CRYM: variants seen among roughly 807,000 people sequenced by gnomAD.
The protein encoded by CRYM is ketimine reductase mu-crystallin.
CRYM carries 18 observed loss-of-function variants against 32.9 expected under a neutral mutation model. The ratio of observed to expected loss-of-function variants is 0.55; its 90% CI spans 0.38 to 0.81. CRYM has a LOEUF of 0.81. Ranked by LOEUF, CRYM falls within the 30% of genes least tolerant of loss-of-function variation. CRYM has a pLI of 0.00. For missense variants in CRYM, 337 were observed against 393.5 expected, an observed-to-expected ratio of 0.86 and a Z score of 1.21; for synonymous variants, 153 against 152.4, an observed-to-expected ratio of 1.00 and a Z score of -0.03.
intron 5 of CRYM, among the ~76,000 whole-genome samples, chr16:21,265,534 A>G (rs1250855520): frequency 6.6e-6 from 1 of 151,988 alleles, no homozygotes; most frequent in Non-Finnish European, 1.5e-5. Flanking sequence ...TAGTTCCTCT[A>G]TGTGTTTGTT....
chr16:21,274,308 G>A lies in CRYM; in HGVS notation c.387+1224C>T, dbSNP rs144654902. 3.0e-4 allele frequency among the ~76,000 whole-genome samples: 46 copies of A among 152,250 alleles called. No homozygotes were observed. The East Asian group carries it at 6.6e-3, about 22-fold the overall frequency. ...TTCCCTCTGCCTGGAGTGCCCCTCC[G>A]TGTTTTTGCATGGTTCGCTAACTCA... On this transcript the variant is annotated intron_variant, in intron 3 of 7. Coordinates refer to ENST00000572914, the MANE Select transcript of CRYM (RefSeq NM_001376256.1).
At chr16:21,274,904 C>T (rs2152862963) in intron 3 of CRYM, among the ~76,000 whole-genome samples, 1 of 152,300 alleles carries the variant, frequency 6.6e-6, no homozygotes, top group East Asian at 1.9e-4. Flanking sequence ...CTGTACCCAG[C>T]CTGTGTTTTC....
chr16:21,293,028 A>AAGATAGATAGAT (rs3029354), intron 1 of CRYM, among the ~76,000 whole-genome samples: 10,522 of 150,410 alleles, frequency 0.07, 561 homozygotes, highest in East Asian at 0.22. Context: ...AAGTAGATAG[A>AAGATAGATAGAT]AGATAGATAG....
intron 1 of CRYM, among the ~76,000 whole-genome samples, chr16:21,302,021 AC>A (rs1376369677): frequency 6.6e-6 from 1 of 152,232 alleles, no homozygotes; most frequent in African/African-American, 2.4e-5. Context: ...CGACCCCCAA[AC>A]AAAACTCACG....
At chr16:21,280,991 G>C (rs545051892), upstream of CRYM, among the ~76,000 whole-genome samples, 3 of 151,986 alleles carry the variant, frequency 2.0e-5, no homozygotes, top group South Asian at 6.2e-4. Flanking sequence ...TGTAATCCCA[G>C]CTACTCAGGA....
In CRYM at chr16:21,269,898, G is replaced by A. The variant is rs1487719726; in HGVS notation, c.388-7C>T. ...TGCTGGGAGGTTTCAGAAACTATAT[G>A]AGAGAAATGAAGTGGCAAAGGTCAA... is the stretch of plus-strand genomic sequence containing the variant. On this transcript the variant is annotated splice_region_variant and splice_polypyrimidine_tract_variant and intron_variant, in intron 3 of 7. Transcript: ENST00000572914. 5 of 1,605,214 alleles carry A rather than the reference G, an allele frequency of 3.1e-6. No individual in the cohort carries two copies. Among genetic ancestry groups the A allele is most frequent in the Non-Finnish European group, 4.3e-6 (5 of 1,172,426 alleles).
intron 5 of CRYM, among the ~76,000 whole-genome samples, chr16:21,265,452 T>A (rs1400693971): frequency 6.6e-6 from 1 of 152,184 alleles, no homozygotes; most frequent in African/African-American, 2.4e-5. Context: ...TGCTTCTACC[T>A]TCCACCTCCA....
chr16:21,277,958 A>C lies in CRYM; in HGVS notation c.170+124T>G. 8.7e-7 allele frequency: 1 copy of C among 1,145,536 alleles called. No homozygotes were observed. The highest frequency in any genetic ancestry group is 1.5e-5 in the South Asian group (1 of 65,072). 71.0% of individuals were successfully genotyped at this position (1,145,536 alleles called of 1,614,324 possible). A position where few individuals can be genotyped will look rare whatever the true frequency, so the allele number is the denominator to read the frequency against. ...AGCACACCGGGTAGCGCCTATTAAA[A>C]GTGGCAGCTGTTAGCAACGGTTAGG... On this transcript the variant is annotated intron_variant, in intron 1 of 7. Coordinates refer to ENST00000572914, the MANE Select transcript of CRYM (RefSeq NM_001376256.1). This position sits in a 1 kb window ranked among gnomAD's most constrained non-coding sequence, Gnocchi z 4.2.
At chr16:21,262,276 C>T in intron 5 of CRYM, 118 bp from the exon 6 acceptor site, 1 of 1,237,626 alleles carries the variant, frequency 8.1e-7, no homozygotes, top group Non-Finnish European at 1.2e-6. Flanking sequence ...TTCAAAATAC[C>T]CCCTCATTCC....
intron 3 of CRYM, among the ~76,000 whole-genome samples, chr16:21,275,142 A>G (rs760358153): frequency 6.6e-6 from 1 of 152,242 alleles, no homozygotes; most frequent in Non-Finnish European, 1.5e-5. Context: ...AATGTGGTAC[A>G]GGGACAAGAA....
At chr16:21,260,866 T>C (rs1270287094) in intron 7 of CRYM, among the ~76,000 whole-genome samples, 1 of 152,244 alleles carries the variant, frequency 6.6e-6, no homozygotes, top group Non-Finnish European at 1.5e-5. Flanking sequence ...GGTTCCTGTC[T>C]TTTAACATCT....
chr16:21,278,323 G>A (rs1314660924), upstream of CRYM: 17 of 1,522,900 alleles, frequency 1.1e-5, no homozygotes, highest in East Asian at 2.2e-4. Context: ...CCCTTTATGA[G>A]CGCGCCCGCT....
At chr16:21,288,149 T>C (rs1376592764) in intron 1 of CRYM, among the ~76,000 whole-genome samples, 2 of 152,360 alleles carry the variant, frequency 1.3e-5, no homozygotes, top group East Asian at 3.9e-4. Flanking sequence ...AATAGGACAA[T>C]TGGTTGTTTA....
At chr16:21,291,698 T>C (rs769477909) in intron 1 of CRYM, among the ~76,000 whole-genome samples, 2 of 152,188 alleles carry the variant, frequency 1.3e-5, no homozygotes, top group African/African-American at 2.4e-5. Context: ...ATGTGCTTAT[T>C]TGCCACATGT....
chr16:21,271,132 C>T (rs1257626546), intron 3 of CRYM, among the ~76,000 whole-genome samples: 2 of 152,180 alleles, frequency 1.3e-5, no homozygotes, highest in Non-Finnish European at 2.9e-5. Context: ...TGGGGAGGGG[C>T]ACCAACCTGT....
upstream of CRYM, among the ~76,000 whole-genome samples, chr16:21,281,102 C>G (rs1384076766): frequency 2.3e-5 from 3 of 130,206 alleles, no homozygotes; most frequent in African/African-American, 9.4e-5. Flanking sequence ...GATTCTCTCT[C>G]TCTCTCACTC....
intron 1 of CRYM, among the ~76,000 whole-genome samples, chr16:21,298,459 A>G (rs1960832738): frequency 6.6e-6 from 1 of 152,264 alleles, no homozygotes; most frequent in African/African-American, 2.4e-5. Context: ...GCAGAAAGGA[A>G]AATGATGAAT....
At chr16:21,282,974 G>A (rs1597624416), upstream of CRYM, among the ~76,000 whole-genome samples, 1 of 147,306 alleles carries the variant, frequency 6.8e-6, no homozygotes, top group Non-Finnish European at 1.5e-5. Context: ...TTAACAGAAA[G>A]AAGATTAATA....
intron 3 of CRYM, among the ~76,000 whole-genome samples, chr16:21,274,324 C>T (rs979121395): frequency 1.3e-5 from 2 of 152,122 alleles, no homozygotes; most frequent in African/African-American, 2.4e-5. Context: ...TTGCATGGTT[C>T]GCTAACTCAC....
Sources: allele counts gnomAD v4.1 joint callset (sites outside exome capture counted in the v4.1 genomes callset), GRCh38; gene constraint gnomAD v4.1.1; non-coding constraint Gnocchi (gnomAD v3.1); transcripts MANE v1.5; gene names NCBI Gene and HGNC (gene_info 2026-07-23, HGNC 2026-07-21).